ILDR2: variants seen among roughly 807,000 people sequenced by gnomAD.
The protein encoded by ILDR2 is immunoglobulin-like domain-containing receptor 2.
ILDR2 carries 25 observed loss-of-function variants against 66.8 expected under a neutral mutation model. That is an observed-to-expected ratio of 0.37 (90% CI 0.27 to 0.52). The LOEUF (loss-of-function observed/expected upper bound fraction) is 0.52, where lower values mean the gene tolerates loss of function less well. ILDR2 is among the 20% of genes least tolerant of loss of function. ILDR2 has a pLI of 0.88. For synonymous variants in ILDR2, 367 were observed against 357.2 expected (o/e 1.03, Z -0.31); for missense variants, 827 against 876.8 (o/e 0.94, Z 0.72).
At chr1:166,943,563 G>A (rs1661444695) in intron 3 of ILDR2, among the ~76,000 whole-genome samples, 1 of 150,696 alleles carries the variant, frequency 6.6e-6, no homozygotes, top group Admixed American at 6.6e-5. Context: ...TGGAGCTAAA[G>A]GCATTTTAAA....
intron 3 of ILDR2, among the ~76,000 whole-genome samples, chr1:166,952,030 C>T (rs545635896): frequency 4.6e-5 from 7 of 152,196 alleles, no homozygotes; most frequent in Non-Finnish European, 8.8e-5. Flanking sequence ...TAAGCTACCA[C>T]ATAGGACATC....
rs754899952 is a variant in ILDR2, at chr1:166,957,842, T to A, written c.306A>T (p.Val102=). ...DCLDSRRTVR[V]VASKQGSTVT... ...CAGTCGAGCCCTGTTTTGAAGCTAC[T>A]ACTCGAACAGTCCTCCTGCTGTCCA... Residue 102 remains valine (V), a synonymous_variant, in exon 2 of 10, where the codon GTA becomes GTT. Coordinates refer to ENST00000271417, the MANE Select transcript of ILDR2 (RefSeq NM_199351.3). 2 of 1,614,224 alleles carry A rather than the reference T, an allele frequency of 1.2e-6. No individual in the cohort carries two copies. Among genetic ancestry groups the A allele is most frequent in the Admixed American group, 3.3e-5 (2 of 60,028 alleles).
intron 1 of ILDR2, among the ~76,000 whole-genome samples, chr1:166,968,567 A>C (rs367831286): frequency 6.6e-6 from 1 of 152,096 alleles, no homozygotes; most frequent in Non-Finnish European, 1.5e-5. Flanking sequence ...TTTATTCCCA[A>C]TGATTTGTTT....
Position 166,957,697 on chromosome 1 carries a change from T to G in ILDR2, c.379+72A>C, listed in dbSNP as rs73026722. On this transcript the variant is annotated intron_variant, in intron 2 of 9. Coordinates refer to ENST00000271417, the MANE Select transcript of ILDR2 (RefSeq NM_199351.3). Reference sequence around the variant, plus strand: ...GTGAGAGGCTAGAATATCACCATATTGACATAAGGGAAGGGAAGAATGAAA... The same window carrying G: ...GTGAGAGGCTAGAATATCACCATATGGACATAAGGGAAGGGAAGAATGAAA... The G allele has an allele frequency of 5.4e-3, 7,019 of 1,307,972 alleles. 317 individuals carry two copies. The African/African-American group carries it at 0.092, about 17-fold the overall frequency. The allele number at this position is 1,307,972 out of a possible 1,614,324, so 81.0% of individuals were successfully genotyped here.
rs1182768885 is a variant in ILDR2, at chr1:166,909,480, A to G, written c.*9875T>C. 6.6e-6 allele frequency: 1 copy of G among 151,776 alleles called. No individual in the cohort carries two copies. Among genetic ancestry groups the G allele is most frequent in the African/African-American group, 2.4e-5 (1 of 41,286 alleles). The allele number at this position is 151,776 out of a possible 1,614,324, so 9.4% of individuals were successfully genotyped here. On this transcript the variant is annotated 3_prime_UTR_variant, in exon 10 of 10. Transcript: ENST00000271417. ...TCTTGTTCTTAAGCTAGTCTGAGCTATCTTCCTGTCATTTGCAACCAAAAA... is the reference window on the plus strand; with the variant it reads ...TCTTGTTCTTAAGCTAGTCTGAGCTGTCTTCCTGTCATTTGCAACCAAAAA...
Position 166,975,357 on chromosome 1 carries a change from G to T in ILDR2, c.-89C>A. ...TCGCTGTCACCCCGCGGCAGCGGGC[G>T]GCGGCGGAGCGGCGGGCACCGGGCG... is the stretch of plus-strand genomic sequence containing the variant. On this transcript the variant is annotated 5_prime_UTR_variant, in exon 1 of 10. Coordinates refer to ENST00000271417, the MANE Select transcript of ILDR2 (RefSeq NM_199351.3). 3 of 1,225,628 alleles carry T rather than the reference G, an allele frequency of 2.4e-6. No individual in the cohort carries two copies. Among genetic ancestry groups the T allele is most frequent in the Non-Finnish European group, 3.3e-6 (3 of 898,758 alleles). The allele number at this position is 1,225,628 out of a possible 1,614,324, so 75.9% of individuals were successfully genotyped here. A position where few individuals can be genotyped will look rare whatever the true frequency, so the allele number is the denominator to read the frequency against.
intron 6 of ILDR2, among the ~76,000 whole-genome samples, chr1:166,930,502 T>G (rs544914322): frequency 6.6e-6 from 1 of 152,258 alleles, no homozygotes; most frequent in South Asian, 2.1e-4. Flanking sequence ...CCTGGGCAAT[T>G]CTCCTTCTAA....
rs986851938 is a variant in ILDR2, at chr1:166,911,676, A to G, written c.*7679T>C. ...GGCATTGTAAAAAAAAAAAAAGAGT[A>G]AGTCACAAGACAACAGGGACTATGT... On this transcript the variant is annotated 3_prime_UTR_variant, in exon 10 of 10. Coordinates refer to ENST00000271417, the MANE Select transcript of ILDR2 (RefSeq NM_199351.3). 2 of 151,558 alleles carry G rather than the reference A, an allele frequency of 1.3e-5. No individual in the cohort carries two copies. The highest frequency in any genetic ancestry group is 2.9e-5 in the Non-Finnish European group (2 of 67,880). The allele number at this position is 151,558 out of a possible 1,614,324, so 9.4% of individuals were successfully genotyped here. A position where few individuals can be genotyped will look rare whatever the true frequency, so the allele number is the denominator to read the frequency against.
intron 1 of ILDR2, among the ~76,000 whole-genome samples, chr1:166,971,662 G>A (rs10737531): frequency 0.83 from 125,628 of 152,052 alleles, 52,488 homozygotes; most frequent in African/African-American, 0.93. Flanking sequence ...AGGTTTCACT[G>A]TGTTGTCCAG....
intron 3 of ILDR2, 88 bp from the exon 4 acceptor site, chr1:166,939,658 A>G: frequency 9.3e-7 from 1 of 1,072,544 alleles, no homozygotes. Flanking sequence ...GGTACCATCC[A>G]CACGTGCGGC....
intron 8 of ILDR2, among the ~76,000 whole-genome samples, chr1:166,922,326 G>A (rs1410936288): frequency 6.6e-6 from 1 of 152,068 alleles, no homozygotes; most frequent in Non-Finnish European, 1.5e-5. Flanking sequence ...TATATGAGAA[G>A]GGCAGAGATA....
At chr1:166,959,580 G>T (rs191479156) in intron 1 of ILDR2, among the ~76,000 whole-genome samples, 2 of 152,332 alleles carry the variant, frequency 1.3e-5, no homozygotes, top group East Asian at 3.9e-4. Flanking sequence ...AGGAAAAAAA[G>T]TGGGGGCTAA....
rs1323717063 is a variant in ILDR2 at position 166,957,886 on chromosome 1, C to G, written c.262G>C (p.Asp88His). 1 of 1,614,158 alleles carries G rather than the reference C, an allele frequency of 6.2e-7. No individual in the cohort carries two copies. The highest frequency in any genetic ancestry group is 1.1e-5 in the South Asian group (1 of 91,080). The stretch of plus-strand genomic sequence containing the variant: ...CTGTCCAAACAATCCAAGTAGGGGT[C>G]CCATTCCAGGTTTCTCTTGCTGAGA... ...QSLSKRNLEW[D>H]PYLDCLDSRR... The change falls in exon 2 of 10, where the codon GAC (aspartate) becomes CAC (histidine). Residue 88 changes from aspartate (D) to histidine (H), a missense_variant. Asp to His is a moderately conservative substitution (Grantham distance 81). This residue lies in a region of ILDR2 where 437 missense variants were observed against 523.2 expected (regional missense o/e 0.84). Transcript: ENST00000271417.
rs561477574 is a variant in ILDR2, at chr1:166,947,969, G to A, written c.500-8399C>T. Among the ~76,000 whole-genome samples, 3 of 152,266 alleles carry A rather than the reference G, an allele frequency of 2.0e-5. No homozygotes were observed. In the South Asian group the frequency reaches 6.2e-4, roughly 32 times the overall value. On this transcript the variant is annotated intron_variant, in intron 3 of 9. Transcript: ENST00000271417. ...TCTTAACACAGGGCAGTGAACGGCC[G>A]CGAACGACGTCATTTATGGTTCAAA...
At chr1:166,939,642 C>G in intron 3 of ILDR2, 72 bp from the exon 4 acceptor site, 1 of 1,297,798 alleles carries the variant, frequency 7.7e-7, no homozygotes, top group Non-Finnish European at 1.1e-6. Flanking sequence ...AAGCCTGGCT[C>G]CAGTTGGTAC....
chr1:166,954,954 ACTT>A (rs1662185665), intron 3 of ILDR2, among the ~76,000 whole-genome samples: 1 of 152,218 alleles, frequency 6.6e-6, no homozygotes, highest in African/African-American at 2.4e-5. Context: ...ACAGGCAACT[ACTT>A]CTCTGCAAAT....
At chr1:166,929,531 G>T (rs1452488275) in intron 6 of ILDR2, among the ~76,000 whole-genome samples, 1 of 152,132 alleles carries the variant, frequency 6.6e-6, no homozygotes, top group Non-Finnish European at 1.5e-5. Flanking sequence ...CTTAAAAAAT[G>T]TTCGTTGCAT....
chr1:166,944,084 A>C (rs1166117288), intron 3 of ILDR2, among the ~76,000 whole-genome samples: 1 of 152,250 alleles, frequency 6.6e-6, no homozygotes, highest in African/African-American at 2.4e-5. Context: ...ATACTGTCAC[A>C]AACTCTAGAG....
At chr1:166,967,678 T>C (rs1663044081) in intron 1 of ILDR2, among the ~76,000 whole-genome samples, 1 of 152,094 alleles carries the variant, frequency 6.6e-6, no homozygotes, top group Non-Finnish European at 1.5e-5. Flanking sequence ...AACTGCTTGA[T>C]CTGGGAGGCA....
Sources: allele counts gnomAD v4.1 joint callset (sites outside exome capture counted in the v4.1 genomes callset), GRCh38; gene constraint gnomAD v4.1.1; regional missense constraint gnomAD v4.1.1; transcripts MANE v1.5; gene names NCBI Gene and HGNC (gene_info 2026-07-23, HGNC 2026-07-21).